BMPR1B: variants seen among roughly 807,000 people sequenced by gnomAD.
The protein encoded by BMPR1B is bone morphogenetic protein receptor type 1B.
BMPR1B carries 12 observed loss-of-function variants against 59.1 expected under a neutral mutation model. That is an observed-to-expected ratio of 0.20 (90% CI 0.13 to 0.33). BMPR1B has a LOEUF of 0.33. Ranked by LOEUF, BMPR1B falls within the 10% of genes least tolerant of loss-of-function variation. The pLI, the probability that BMPR1B is intolerant of heterozygous loss-of-function variation, is 1.00. For synonymous variants in BMPR1B, 237 were observed against 207.3 expected (o/e 1.14, Z -1.23); for missense variants, 550 against 610.9 (o/e 0.90, Z 1.05).
chr4:95,037,306 T>G (rs1725329085), intron 3 of BMPR1B, among the ~76,000 whole-genome samples: 1 of 152,126 alleles, frequency 6.6e-6, no homozygotes, highest in African/African-American at 2.4e-5. Flanking sequence ...ATATTTAGAT[T>G]TGCATTGCCA....
intron 6 of BMPR1B, among the ~76,000 whole-genome samples, chr4:95,123,152 G>A (rs1216778161): frequency 1.3e-5 from 2 of 152,136 alleles, no homozygotes; most frequent in African/African-American, 2.4e-5. Flanking sequence ...GTTAAAATGA[G>A]TAGTGTTTAA....
intron 1 of BMPR1B, among the ~76,000 whole-genome samples, chr4:94,830,969 T>C (rs1724563276): frequency 6.6e-6 from 1 of 152,200 alleles, no homozygotes; most frequent in African/African-American, 2.4e-5. Flanking sequence ...CCACTTTTTG[T>C]CATTATTTTG....
intron 1 of BMPR1B, among the ~76,000 whole-genome samples, chr4:94,828,340 A>G (rs1724455420): frequency 6.6e-6 from 1 of 152,184 alleles, no homozygotes; most frequent in Non-Finnish European, 1.5e-5. Context: ...GGAATCATAC[A>G]TGGTAATAAT....
At chr4:95,065,510 C>T (rs1727733205) in intron 3 of BMPR1B, among the ~76,000 whole-genome samples, 1 of 152,048 alleles carries the variant, frequency 6.6e-6, no homozygotes, top group Admixed American at 6.6e-5. Flanking sequence ...TAGGATAGTG[C>T]AGAATAAGGG....
intron 3 of BMPR1B, among the ~76,000 whole-genome samples, chr4:95,068,789 C>T (rs7669755): frequency 0.29 from 43,344 of 152,042 alleles, 6,762 homozygotes; most frequent in South Asian, 0.4. Context: ...GATGTCATTC[C>T]CAAATAAACT....
intron 1 of BMPR1B, among the ~76,000 whole-genome samples, chr4:94,780,187 C>A (rs1002548323): frequency 6.6e-6 from 1 of 152,058 alleles, no homozygotes; most frequent in Admixed American, 6.6e-5. Context: ...TACTCCCAAC[C>A]GCACTAGCCC....
At chr4:95,117,077 C>G (rs367693976) in intron 6 of BMPR1B, among the ~76,000 whole-genome samples, 1 of 151,988 alleles carries the variant, frequency 6.6e-6, no homozygotes, top group African/African-American at 2.4e-5. Flanking sequence ...CTGGCTCTAC[C>G]TGGGGGAGGA....
rs551995922 is a variant in BMPR1B, at chr4:94,769,017, G to A, written c.-183+10949G>A. ...TTCTAGCTTTTATTTGAAATTTCAT[G>A]TGTTTATACTTGTGGTTTGAAAGCT... On this transcript the variant is annotated intron_variant, in intron 1 of 12. Coordinates refer to ENST00000515059, the MANE Select transcript of BMPR1B (RefSeq NM_001203.3). Among the ~76,000 whole-genome samples, 3 of 152,164 alleles carry A rather than the reference G, an allele frequency of 2.0e-5. No homozygotes were observed. In the East Asian group the frequency reaches 5.8e-4, roughly 29 times the overall value.
intron 2 of BMPR1B, among the ~76,000 whole-genome samples, chr4:94,943,508 G>A (rs761596091): frequency 2.0e-5 from 3 of 152,134 alleles, no homozygotes; most frequent in Non-Finnish European, 4.4e-5. Flanking sequence ...GATAATAATA[G>A]TACCTACTAC....
chr4:94,780,453 GTTAATA>G (rs1184809405), intron 1 of BMPR1B, among the ~76,000 whole-genome samples: 1 of 151,832 alleles, frequency 6.6e-6, no homozygotes, highest in Non-Finnish European at 1.5e-5. Context: ...ATACTTTTTG[GTTAATA>G]TTAATAATAT....
chr4:95,153,031 T>TA (rs1453077027), intron 12 of BMPR1B, among the ~76,000 whole-genome samples: 1 of 152,240 alleles, frequency 6.6e-6, no homozygotes, highest in Non-Finnish European at 1.5e-5. Context: ...ATAACATTAT[T>TA]TTCTTTATTT....
At chr4:95,097,061 T>TTATATATTTACATATAGTTA (rs1264045039) in intron 3 of BMPR1B, among the ~76,000 whole-genome samples, 3 of 145,488 alleles carry the variant, frequency 2.1e-5, no homozygotes, top group African/African-American at 7.5e-5. Flanking sequence ...CTGTATATAG[T>TTATATATTTACATATAGTTA]TATATATTTA....
chr4:95,140,363 C>T (rs1457166467), intron 10 of BMPR1B, among the ~76,000 whole-genome samples: 1 of 152,142 alleles, frequency 6.6e-6, no homozygotes, highest in Non-Finnish European at 1.5e-5. Context: ...TGGACGAAAT[C>T]CCCCTTTCTA....
At chr4:95,115,595 C>G (rs918099629) in intron 5 of BMPR1B, 90 bp from the exon 6 acceptor site, 1 of 1,074,966 alleles carries the variant, frequency 9.3e-7, no homozygotes. Context: ...TAAATTAGTT[C>G]TCTAAATAGT....
intron 3 of BMPR1B, among the ~76,000 whole-genome samples, chr4:95,074,733 G>T (rs766006942): frequency 5.3e-5 from 8 of 151,972 alleles, no homozygotes; most frequent in Non-Finnish European, 1.2e-4. Context: ...AGCTAGAGTA[G>T]TTATGCTGTT....
chr4:94,865,422 G>T (rs142851979), intron 1 of BMPR1B, among the ~76,000 whole-genome samples: 4 of 148,738 alleles, frequency 2.7e-5, no homozygotes, highest in Non-Finnish European at 5.9e-5. Context: ...ACGGAGTCTC[G>T]CTCTGTCACC....
chr4:95,031,539 G>A (rs1051875024), intron 3 of BMPR1B, among the ~76,000 whole-genome samples: 1 of 152,004 alleles, frequency 6.6e-6, no homozygotes, highest in Admixed American at 6.6e-5. Context: ...GTGTACTATA[G>A]CCTTGAACTC....
intron 2 of BMPR1B, among the ~76,000 whole-genome samples, chr4:94,923,220 ATG>A: frequency 6.6e-6 from 1 of 152,254 alleles, no homozygotes; most frequent in Admixed American, 6.5e-5. Flanking sequence ...AGTTTTTAAA[ATG>A]AAAACATTTT....
chr4:94,823,549 A>C lies in BMPR1B; in HGVS notation c.-182-52282A>C, dbSNP rs116372384. ...CAGAGGAGAAGGAATTAATGGTCACAGTTTATGAAGAAAAAGAACCAGGAT... is the reference window on the plus strand; with the variant it reads ...CAGAGGAGAAGGAATTAATGGTCACCGTTTATGAAGAAAAAGAACCAGGAT... On this transcript the variant is annotated intron_variant, in intron 1 of 12. Coordinates refer to ENST00000515059, the MANE Select transcript of BMPR1B (RefSeq NM_001203.3). Among the ~76,000 whole-genome samples, 634 of 152,284 alleles carry C rather than the reference A, an allele frequency of 4.2e-3. 4 individuals are homozygous for C. The highest frequency in any genetic ancestry group is 0.015 in the African/African-American group (611 of 41,562).
Sources: allele counts gnomAD v4.1 joint callset (sites outside exome capture counted in the v4.1 genomes callset), GRCh38; gene constraint gnomAD v4.1.1; transcripts MANE v1.5; gene names NCBI Gene and HGNC (gene_info 2026-07-23, HGNC 2026-07-21).